Variants in CAMK1D observed in about 807,000 individuals in gnomAD.
The protein encoded by CAMK1D is calcium/calmodulin dependent protein kinase ID.
A neutral mutation model predicts 47.7 loss-of-function variants in CAMK1D; 9 were observed. The ratio of observed to expected loss-of-function variants is 0.19; its 90% CI spans 0.11 to 0.33. The LOEUF is 0.33. Among genes scored for constraint, CAMK1D ranks in the 10% least tolerant of loss-of-function variants. The pLI, the probability that CAMK1D is intolerant of heterozygous loss-of-function variation, is 1.00. For synonymous variants in CAMK1D, 184 were observed against 184.9 expected, an observed-to-expected ratio of 0.99 and a Z score of 0.04; for missense variants, 291 against 488.7, an observed-to-expected ratio of 0.60 and a Z score of 3.81.
intron 3 of CAMK1D, among the ~76,000 whole-genome samples, chr10:12,760,057 G>A (rs1231320712): frequency 6.6e-6 from 1 of 151,838 alleles, no homozygotes; most frequent in African/African-American, 2.4e-5. Flanking sequence ...TTCCAAGATG[G>A]CTTAATGATT....
chr10:12,713,145 A>T (rs1588837013), intron 3 of CAMK1D, among the ~76,000 whole-genome samples: 3 of 151,830 alleles, frequency 2.0e-5, no homozygotes, highest in Non-Finnish European at 4.4e-5. Flanking sequence ...ACCTTGGCTC[A>T]CTGCAACCTC....
At chr10:12,390,703 G>A (rs1838691650) in intron 1 of CAMK1D, among the ~76,000 whole-genome samples, 1 of 152,164 alleles carries the variant, frequency 6.6e-6, no homozygotes, top group Non-Finnish European at 1.5e-5. Context: ...TGTCACGTGG[G>A]AGCAGAAGCT....
At chr10:12,754,501 A>T (rs1342489648) in intron 3 of CAMK1D, among the ~76,000 whole-genome samples, 1 of 152,248 alleles carries the variant, frequency 6.6e-6, no homozygotes, top group Non-Finnish European at 1.5e-5. Context: ...TGGGAAAAAT[A>T]TATAAAGAGA....
intron 1 of CAMK1D, among the ~76,000 whole-genome samples, chr10:12,512,967 A>G (rs1342333104): frequency 6.6e-6 from 1 of 152,192 alleles, no homozygotes; most frequent in East Asian, 1.9e-4. Context: ...CCGAATTAAC[A>G]GCACACACCT....
chr10:12,717,837 T>C (rs1045357325), intron 3 of CAMK1D, among the ~76,000 whole-genome samples: 2 of 138,150 alleles, frequency 1.4e-5, no homozygotes, highest in African/African-American at 5.6e-5. Flanking sequence ...GAGGCTACAG[T>C]GAGCCACGAT....
intron 2 of CAMK1D, among the ~76,000 whole-genome samples, chr10:12,647,875 C>T (rs943473194): frequency 1.3e-5 from 2 of 152,174 alleles, no homozygotes; most frequent in Non-Finnish European, 2.9e-5. Context: ...TCCTGGGACC[C>T]TCCTCCTGAG....
intron 2 of CAMK1D, among the ~76,000 whole-genome samples, chr10:12,591,722 C>T (rs1000992037): frequency 1.3e-5 from 2 of 152,188 alleles, no homozygotes; most frequent in Non-Finnish European, 2.9e-5. Flanking sequence ...GAGACGGAGT[C>T]TCGCCCTGTC....
chr10:12,774,729 T>A (rs1282058759), intron 5 of CAMK1D, among the ~76,000 whole-genome samples: 1 of 152,200 alleles, frequency 6.6e-6, no homozygotes, highest in African/African-American at 2.4e-5. Context: ...GAGCTCCGCC[T>A]CCTGTCAGAT....
chr10:12,506,871 C>A (rs1370435061), intron 1 of CAMK1D, among the ~76,000 whole-genome samples: 1 of 152,184 alleles, frequency 6.6e-6, no homozygotes, highest in East Asian at 1.9e-4. Context: ...GAGGGTAGGA[C>A]CTGCCAACCT....
chr10:12,744,740 TAA>T (rs10589773), intron 3 of CAMK1D, among the ~76,000 whole-genome samples: 2 of 136,584 alleles, frequency 1.5e-5, no homozygotes, highest in Admixed American at 7.4e-5. Context: ...AAATAAAAAT[TAA>T]AAAAAAAAAA....
intron 2 of CAMK1D, among the ~76,000 whole-genome samples, chr10:12,585,317 A>G (rs1837783296): frequency 6.6e-6 from 1 of 152,206 alleles, no homozygotes; most frequent in Admixed American, 6.5e-5. Flanking sequence ...TGCCGGGCCT[A>G]CTGGCCTGGA....
Position 12,591,955 on chromosome 10 carries a change from G to T in CAMK1D, c.224+38599G>T, listed in dbSNP as rs184029407. 9.9e-5 allele frequency among the ~76,000 whole-genome samples: 15 copies of T among 152,272 alleles called. No homozygotes were observed. The East Asian group carries it at 2.9e-3, about 29-fold the overall frequency. On this transcript the variant is annotated intron_variant, in intron 2 of 10. Coordinates refer to ENST00000619168, the MANE Select transcript of CAMK1D (RefSeq NM_153498.4). ...TGATCCACCCCCTCGGCCTCCCAAA[G>T]TGCTAGGATTACAGGCGTGAGCCAC...
chr10:12,534,403 G>A (rs1835904698), intron 1 of CAMK1D, among the ~76,000 whole-genome samples: 1 of 152,150 alleles, frequency 6.6e-6, no homozygotes, highest in African/African-American at 2.4e-5. Context: ...GTCTTGCTCT[G>A]TCGCCCAGGC....
At chr10:12,584,760 C>T (rs920817551) in intron 2 of CAMK1D, among the ~76,000 whole-genome samples, 8 of 152,056 alleles carry the variant, frequency 5.3e-5, no homozygotes, top group Non-Finnish European at 1.2e-4. Flanking sequence ...GTCAAAGCTG[C>T]AGTGAGCAAT....
intron 1 of CAMK1D, among the ~76,000 whole-genome samples, chr10:12,354,119 T>C (rs1721186376): frequency 6.6e-6 from 1 of 152,004 alleles, no homozygotes; most frequent in South Asian, 2.1e-4. Context: ...AAACCTCATT[T>C]CCCCTGGAGT....
intron 2 of CAMK1D, among the ~76,000 whole-genome samples, chr10:12,602,895 G>GTTGTTATTATTATTA (rs150080599): frequency 1.9e-4 from 25 of 134,410 alleles, no homozygotes; most frequent in Non-Finnish European, 3.0e-4. Context: ...CTAACTGCTT[G>GTTGTTATTATTATTA]TTATTATTAT....
chr10:12,572,074 TGAAATCCCAAGCA>T (rs142853203), intron 2 of CAMK1D, among the ~76,000 whole-genome samples: 8,849 of 142,780 alleles, frequency 0.062, 470 homozygotes, highest in East Asian at 0.21. Context: ...ATAGAATACA[TGAAATCCCAAGCA>T]GAATTGGTAC....
intron 5 of CAMK1D, among the ~76,000 whole-genome samples, chr10:12,770,967 G>A (rs528367078): frequency 6.6e-6 from 1 of 152,160 alleles, no homozygotes; most frequent in East Asian, 1.9e-4. Context: ...ATCTAGCTGT[G>A]TTGCAAGGTT....
chr10:12,475,343 T>A (rs1223668826), intron 1 of CAMK1D, among the ~76,000 whole-genome samples: 2 of 152,226 alleles, frequency 1.3e-5, no homozygotes, highest in Non-Finnish European at 2.9e-5. Flanking sequence ...CGAATTTGAC[T>A]ACTCTAGGGA....
Sources: gnomAD v4.1 joint callset for allele counts (sites outside exome capture counted in the v4.1 genomes callset) on GRCh38, gnomAD v4.1.1 for gene constraint, MANE v1.5 for transcripts, NCBI Gene and HGNC (gene_info 2026-07-23, HGNC 2026-07-21) for gene names.